The following NTN1 variants were observed in gnomAD, a reference collection of about 807,000 sequenced individuals.
NTN1 encodes netrin 1.
A neutral mutation model predicts 54.2 loss-of-function variants in NTN1; 11 were observed. The ratio of observed to expected loss-of-function variants is 0.20; its 90% CI spans 0.13 to 0.34. NTN1 has a LOEUF of 0.34. Ranked by LOEUF, NTN1 falls within the 10% of genes least tolerant of loss-of-function variation. The pLI, the probability that NTN1 is intolerant of heterozygous loss-of-function variation, is 1.00. For missense variants in NTN1, 740 were observed against 893.1 expected (o/e 0.83, Z 2.18); for synonymous variants, 371 against 382.0 (o/e 0.97, Z 0.33).
Position 9,221,776 on chromosome 17 carries a change from C to T in NTN1, c.1486+534C>T, listed in dbSNP as rs1905366515. On this transcript the variant is annotated intron_variant, in intron 6 of 6. Transcript: ENST00000173229. The surrounding 1 kb of genome is among the most constrained non-coding windows in gnomAD (Gnocchi z 4.5). ...TGCCCAGACCCATGGAGCAGACAGT[C>T]CTGGGGGCCACCTGCAGAGATTGCT... 6.6e-6 allele frequency among the ~76,000 whole-genome samples: 1 copy of T among 152,162 alleles called. No individual in the cohort carries two copies. Among genetic ancestry groups the T allele is most frequent in the East Asian group, 1.9e-4 (1 of 5,182 alleles).
At chr17:9,081,510 C>A (rs1235079702) in intron 2 of NTN1, among the ~76,000 whole-genome samples, 1 of 152,150 alleles carries the variant, frequency 6.6e-6, no homozygotes, top group Non-Finnish European at 1.5e-5. Context: ...GACCTTCATA[C>A]CCACCCAGAT....
Position 9,221,042 on chromosome 17 carries a change from C to A in NTN1, c.1412-126C>A. On this transcript the variant is annotated intron_variant, in intron 5 of 6. Transcript: ENST00000173229. This position sits in a 1 kb window ranked among gnomAD's most constrained non-coding sequence, Gnocchi z 4.5. ...TTTCCTGAATGGCCGCCTGCCCGCC[C>A]GGCCTGGCCCATGGGTATCACAGGC... The A allele has an allele frequency of 1.3e-6, 1 of 761,218 alleles. No individual in the cohort carries two copies. Among genetic ancestry groups the A allele is most frequent in the Non-Finnish European group, 2.3e-6 (1 of 426,658 alleles). The allele number at this position is 761,218 out of a possible 1,614,324, so 47.2% of individuals were successfully genotyped here. A position where few individuals can be genotyped will look rare whatever the true frequency, so the allele number is the denominator to read the frequency against.
At chr17:9,157,258 T>C (rs928626142) in intron 2 of NTN1, among the ~76,000 whole-genome samples, 3 of 152,244 alleles carry the variant, frequency 2.0e-5, no homozygotes, top group African/African-American at 7.2e-5. Flanking sequence ...CTCCATTAGA[T>C]GGGGAACCCA....
upstream of NTN1, among the ~76,000 whole-genome samples, chr17:9,020,577 TC>T (rs1430045252): frequency 4.6e-5 from 7 of 152,216 alleles, no homozygotes; most frequent in African/African-American, 1.7e-4. Flanking sequence ...TTTCTTCAGC[TC>T]CCGGGACCCT....
At chr17:9,218,641 G>A (rs754299284) in intron 5 of NTN1, among the ~76,000 whole-genome samples, 25 of 151,610 alleles carry the variant, frequency 1.6e-4, no homozygotes, top group African/African-American at 2.2e-4. Flanking sequence ...CTCCTGCCCC[G>A]CCCCCCACCC....
Position 9,022,601 on chromosome 17 carries a change from C to G in NTN1, c.228C>G (p.Arg76=). 1 of 1,548,940 alleles carries G rather than the reference C, an allele frequency of 6.5e-7. No individual in the cohort carries two copies. The highest frequency in any genetic ancestry group is 1.4e-5 in the African/African-American group (1 of 73,216). Residue 76 remains arginine, a synonymous_variant, in exon 2 of 7, where the codon CGC becomes CGG. Transcript: ENST00000173229. Reference sequence around the variant, plus strand: ...GCACCTGCGGCCGGCCCCCGGCGCGCTACTGCGTGGTGAGCGAGCGCGGCG... The same window carrying G: ...GCACCTGCGGCCGGCCCCCGGCGCGGTACTGCGTGGTGAGCGAGCGCGGCG... The part of the protein sequence containing the change: ...VSSTCGRPPA[R]YCVVSERGEE...
intron 2 of NTN1, among the ~76,000 whole-genome samples, chr17:9,106,524 C>CCTTT (rs2092167510): frequency 1.5e-5 from 2 of 129,140 alleles, no homozygotes; most frequent in South Asian, 5.1e-4. Flanking sequence ...TTCCTTCCTT[C>CCTTT]CTTCCTTTCG....
chr17:9,114,910 T>G (rs1214235782), intron 2 of NTN1, among the ~76,000 whole-genome samples: 2 of 152,218 alleles, frequency 1.3e-5, no homozygotes, highest in African/African-American at 4.8e-5. Context: ...TGTCTGTTCA[T>G]GTCTGTCTTT....
chr17:9,018,856 A>G (rs2091837475), upstream of NTN1, among the ~76,000 whole-genome samples: 1 of 152,130 alleles, frequency 6.6e-6, no homozygotes, highest in African/African-American at 2.4e-5. Context: ...TGTCCAACCG[A>G]GCTCACTGTT....
chr17:9,063,783 C>T (rs62069324), intron 2 of NTN1, among the ~76,000 whole-genome samples: 33,654 of 151,128 alleles, frequency 0.22, 4,735 homozygotes, highest in East Asian at 0.46. Flanking sequence ...CTCCTGACCT[C>T]GTGATCCGCC....
chr17:9,182,137 C>A (rs1254651433), intron 4 of NTN1, among the ~76,000 whole-genome samples: 2 of 152,174 alleles, frequency 1.3e-5, no homozygotes, highest in South Asian at 4.1e-4. Context: ...GCCACCACGC[C>A]TGGCTGATTT....
the NTN1 span, among the ~76,000 whole-genome samples, chr17:9,003,206 G>C: frequency 4.5e-4 from 69 of 152,054 alleles, no homozygotes; most frequent in Non-Finnish European, 1.8e-4. This position sits in a 1 kb window ranked among gnomAD's most constrained non-coding sequence, Gnocchi z 7.4. Context: ...GCTGCCCCGC[G>C]CTCGGGAAGC....
chr17:9,084,661 T>G (rs1017600737), intron 2 of NTN1, among the ~76,000 whole-genome samples: 8 of 144,362 alleles, frequency 5.5e-5, no homozygotes, highest in African/African-American at 2.0e-4. Context: ...TTTTTTTTTT[T>G]TTTTTTTTGA....
intron 3 of NTN1, among the ~76,000 whole-genome samples, chr17:9,170,146 G>A (rs192958916): frequency 6.6e-6 from 1 of 152,184 alleles, no homozygotes; most frequent in African/African-American, 2.4e-5. Context: ...CACAGTTCAG[G>A]CTCCACCTCT....
At chr17:9,071,201 C>G (rs567110925) in intron 2 of NTN1, among the ~76,000 whole-genome samples, 3 of 152,304 alleles carry the variant, frequency 2.0e-5, no homozygotes, top group South Asian at 2.1e-4. Context: ...GGAGCCTGCT[C>G]TCTGTGGGGA....
intron 4 of NTN1, among the ~76,000 whole-genome samples, 185 bp from the exon 5 acceptor site, chr17:9,182,731 C>G (rs972015151): frequency 6.6e-6 from 1 of 152,194 alleles, no homozygotes; most frequent in Non-Finnish European, 1.5e-5. Context: ...GCCACGTGCC[C>G]AGGATGCCGC....
intron 6 of NTN1, among the ~76,000 whole-genome samples, chr17:9,234,327 G>A (rs746202262): frequency 1.3e-5 from 2 of 152,176 alleles, no homozygotes; most frequent in African/African-American, 2.4e-5. Context: ...CTTGTTCACC[G>A]AGCTCTGTGG....
intron 2 of NTN1, among the ~76,000 whole-genome samples, chr17:9,091,752 C>T (rs2092111595): frequency 6.6e-6 from 1 of 151,630 alleles, no homozygotes. Context: ...CGTGTCCGGC[C>T]CGTTTAGCCA....
Position 9,239,747 on chromosome 17 carries a change from G to T in NTN1, c.1594G>T (p.Asp532Tyr). 1 of 1,613,836 alleles carries T rather than the reference G, an allele frequency of 6.2e-7. No homozygotes were observed. The highest frequency in any genetic ancestry group is 8.5e-7 in the Non-Finnish European group (1 of 1,180,032). ...GGGCACGAGCCGCATCCGCCGCGGTGACCAGAGCCTGTGGATCCGCTCGCG... is the reference window on the plus strand; with the variant it reads ...GGGCACGAGCCGCATCCGCCGCGGTTACCAGAGCCTGTGGATCCGCTCGCG... The part of the protein sequence containing the change: ...KQGTSRIRRG[D>Y]QSLWIRSRDI... Residue 532 changes from aspartate (D) to tyrosine (Y), a missense_variant, in exon 7 of 7, where the codon GAC (aspartate) becomes TAC (tyrosine). Transcript: ENST00000173229. This position sits in a 1 kb window ranked among gnomAD's most constrained non-coding sequence, Gnocchi z 5.2.
Sources: allele counts gnomAD v4.1 joint callset (sites outside exome capture counted in the v4.1 genomes callset), GRCh38; gene constraint gnomAD v4.1.1; non-coding constraint Gnocchi (gnomAD v3.1); transcripts MANE v1.5; gene names NCBI Gene and HGNC (gene_info 2026-07-23, HGNC 2026-07-21).